The following PARD3 variants were observed in gnomAD, a reference collection of about 807,000 sequenced individuals.
PARD3 encodes par-3 family cell polarity regulator, also known as partitioning defective 3 homolog.
A neutral mutation model predicts 155.4 loss-of-function variants in PARD3; 75 were observed. The observed-to-expected ratio is 0.48, with a 90% CI of 0.40 to 0.58. The LOEUF (loss-of-function observed/expected upper bound fraction) is 0.58. Ranked by LOEUF, PARD3 falls within the 20% of genes least tolerant of loss-of-function variation. The pLI is 0.00. For missense variants in PARD3, 1,642 were observed against 1,721.7 expected (o/e 0.95, Z 0.82); for synonymous variants, 576 against 610.5 (o/e 0.94, Z 0.83).
intron 2 of PARD3, among the ~76,000 whole-genome samples, chr10:34,548,446 C>A (rs147998654): frequency 0.013 from 1,945 of 152,208 alleles, 49 homozygotes; most frequent in African/African-American, 0.043. Context: ...TTGCAGTGAG[C>A]CAAGATTGCA....
At chr10:34,662,305 A>T (rs2093344307) in intron 2 of PARD3, among the ~76,000 whole-genome samples, 1 of 152,210 alleles carries the variant, frequency 6.6e-6, no homozygotes, top group Non-Finnish European at 1.5e-5. Flanking sequence ...CACTGTTGGT[A>T]GGAATGTAAA....
chr10:34,296,951 C>A (rs1188764059), intron 20 of PARD3, among the ~76,000 whole-genome samples: 1 of 152,162 alleles, frequency 6.6e-6, no homozygotes, highest in Non-Finnish European at 1.5e-5. Context: ...AACCAACCAA[C>A]TGACCAACAA....
At chr10:34,457,829 G>C (rs1238227629) in intron 4 of PARD3, among the ~76,000 whole-genome samples, 1 of 152,032 alleles carries the variant, frequency 6.6e-6, no homozygotes, top group Non-Finnish European at 1.5e-5. Context: ...TTAAACTCCT[G>C]GGTTCAAAAG....
At chr10:34,613,752 C>T (rs1019113560) in intron 2 of PARD3, among the ~76,000 whole-genome samples, 4 of 152,208 alleles carry the variant, frequency 2.6e-5, no homozygotes, top group Non-Finnish European at 5.9e-5. Flanking sequence ...TTCTCGTCCA[C>T]ATTCTCCGGA....
chr10:34,148,257 T>C (rs944888585), intron 22 of PARD3, among the ~76,000 whole-genome samples: 1 of 152,112 alleles, frequency 6.6e-6, no homozygotes, highest in East Asian at 1.9e-4. Context: ...CCTTAGAAAA[T>C]ACATACTGAA....
intron 5 of PARD3, among the ~76,000 whole-genome samples, chr10:34,438,021 C>T (rs536929856): frequency 2.6e-5 from 4 of 152,154 alleles, no homozygotes; most frequent in African/African-American, 9.7e-5. Flanking sequence ...GCAGCTCTTA[C>T]CCTCTGCCCC....
intron 1 of PARD3, among the ~76,000 whole-genome samples, chr10:34,767,369 T>C (rs16935716): frequency 0.25 from 38,391 of 152,028 alleles, 5,322 homozygotes; most frequent in East Asian, 0.54. Flanking sequence ...GAACTCGCCA[T>C]GTTCCTCTGA....
At chr10:34,763,612 C>T (rs1837732087) in intron 1 of PARD3, among the ~76,000 whole-genome samples, 1 of 152,184 alleles carries the variant, frequency 6.6e-6, no homozygotes, top group African/African-American at 2.4e-5. Context: ...AATGTCACCA[C>T]TCCACCCCAC....
chr10:34,813,519 A>G (rs1844480764), intron 1 of PARD3, among the ~76,000 whole-genome samples: 1 of 152,244 alleles, frequency 6.6e-6, no homozygotes. Context: ...TCAATAAAAG[A>G]GTTCAACTGT....
chr10:34,349,723 TTC>T (rs767613206), intron 14 of PARD3, among the ~76,000 whole-genome samples: 3 of 151,298 alleles, frequency 2.0e-5, no homozygotes, highest in Admixed American at 2.0e-4. Context: ...TATAAACAAA[TTC>T]TGTTTACTAT....
At chr10:34,574,653 T>C (rs1465589712) in intron 2 of PARD3, among the ~76,000 whole-genome samples, 1 of 152,180 alleles carries the variant, frequency 6.6e-6, no homozygotes, top group Non-Finnish European at 1.5e-5. Context: ...AATTCACTCT[T>C]CTATGGGCTT....
rs1356233341 is a variant in PARD3 at position 34,425,382 on chromosome 10, C to G, written c.715-23465G>C. Among the ~76,000 whole-genome samples the G allele has an allele frequency of 3.3e-5, 5 of 152,292 alleles. No individual in the cohort carries two copies. In the East Asian group the frequency reaches 9.7e-4, roughly 29 times the overall value. ...CACTAACAAACAACTCTCAACACAT[C>G]AGATTACTCACAAACGAAAATTCCA... is the stretch of plus-strand genomic sequence containing the variant. On this transcript the variant is annotated intron_variant, in intron 5 of 24. Transcript: ENST00000374788.
chr10:34,648,255 C>CA, intron 2 of PARD3, among the ~76,000 whole-genome samples: 1 of 152,318 alleles, frequency 6.6e-6, no homozygotes, highest in African/African-American at 2.4e-5. Context: ...GCTTCAAAGA[C>CA]ATTCTTCAAA....
chr10:34,123,700 G>T (rs7919435), intron 23 of PARD3, among the ~76,000 whole-genome samples: 38,420 of 151,984 alleles, frequency 0.25, 5,142 homozygotes, highest in Middle Eastern at 0.39. Flanking sequence ...CTCCCAAAGT[G>T]CTGGAGATTA....
At chr10:34,761,848 A>G (rs185499973) in intron 1 of PARD3, among the ~76,000 whole-genome samples, 168 of 152,352 alleles carry the variant, frequency 1.1e-3, no homozygotes, top group African/African-American at 3.5e-3. Flanking sequence ...AATTATGTAT[A>G]TCATGATAAA....
chr10:34,731,128 C>A (rs953116749), intron 1 of PARD3, among the ~76,000 whole-genome samples: 4 of 149,006 alleles, frequency 2.7e-5, no homozygotes, highest in African/African-American at 7.4e-5. Context: ...AATTTTTTTA[C>A]GCTGTTTTCT....
chr10:34,620,189 C>T (rs768517954), intron 2 of PARD3, among the ~76,000 whole-genome samples: 8 of 152,158 alleles, frequency 5.3e-5, no homozygotes, highest in Admixed American at 3.9e-4. Context: ...TGTTCTTGCT[C>T]CCAAATGCCA....
At chr10:34,743,781 G>C (rs976327250) in intron 1 of PARD3, among the ~76,000 whole-genome samples, 2 of 152,174 alleles carry the variant, frequency 1.3e-5, no homozygotes, top group African/African-American at 4.8e-5. Flanking sequence ...GTTGGAGGAG[G>C]GAGAGGAAAA....
In PARD3 at chr10:34,570,835, A is replaced by G. The variant is rs545865342; in HGVS notation, c.223-53676T>C. Among the ~76,000 whole-genome samples the G allele has an allele frequency of 2.0e-5, 3 of 152,338 alleles. No homozygotes were observed. The East Asian group carries it at 5.8e-4, about 29-fold the overall frequency. ...CAGGAGTTAAAAGATAAATGACAGC[A>G]TTATTATGAAAATACTTGTGACCTC... is the stretch of plus-strand genomic sequence containing the variant. On this transcript the variant is annotated intron_variant, in intron 2 of 24. Coordinates refer to ENST00000374788, the MANE Select transcript of PARD3 (RefSeq NM_001184785.2).
Sources: gnomAD v4.1 joint callset for allele counts (sites outside exome capture counted in the v4.1 genomes callset) on GRCh38, gnomAD v4.1.1 for gene constraint, MANE v1.5 for transcripts, NCBI Gene and HGNC (gene_info 2026-07-23, HGNC 2026-07-21) for gene names.